NUAK1: variants seen among roughly 807,000 people sequenced by gnomAD.
NUAK1 encodes the protein NUAK family SNF1-like kinase 1.
Under a neutral mutation model 56.9 loss-of-function variants are expected in NUAK1, and 26 were observed. That is an observed-to-expected ratio of 0.46 (90% CI 0.33 to 0.63). The LOEUF is 0.63. Among genes scored for constraint, NUAK1 ranks in the 30% least tolerant of loss-of-function variants. The pLI, the probability that NUAK1 is intolerant of heterozygous loss-of-function variation, is 0.02. For missense variants in NUAK1, 727 were observed against 876.1 expected, an observed-to-expected ratio of 0.83 and a Z score of 2.15; for synonymous variants, 337 against 336.0, an observed-to-expected ratio of 1.00 and a Z score of -0.03.
At chr12:106,082,312 C>A (rs777350069) in intron 4 of NUAK1, among the ~76,000 whole-genome samples, 3 of 152,232 alleles carry the variant, frequency 2.0e-5, no homozygotes, top group African/African-American at 7.2e-5. Context: ...TACTAAGGGG[C>A]AGGGTTGAAA....
intron 1 of NUAK1, among the ~76,000 whole-genome samples, chr12:106,120,529 A>AG (rs3837505): frequency 0.017 from 2,624 of 152,132 alleles, 48 homozygotes; most frequent in Admixed American, 0.029. Flanking sequence ...CAAAGTGAGA[A>AG]GGGGGCTGGG....
At chr12:106,090,231 C>G (rs965425468) in intron 2 of NUAK1, among the ~76,000 whole-genome samples, 8 of 152,144 alleles carry the variant, frequency 5.3e-5, no homozygotes, top group Non-Finnish European at 1.0e-4. Flanking sequence ...AGCAGCCAGG[C>G]CTGGCTCTGG....
intron 1 of NUAK1, among the ~76,000 whole-genome samples, chr12:106,118,380 T>C (rs756645189): frequency 6.6e-6 from 1 of 152,196 alleles, no homozygotes; most frequent in Non-Finnish European, 1.5e-5. Flanking sequence ...TTTCCACATT[T>C]GTCAAATCTA....
At chr12:106,094,056 A>C (rs1456268653) in intron 2 of NUAK1, among the ~76,000 whole-genome samples, 2 of 147,602 alleles carry the variant, frequency 1.4e-5, no homozygotes, top group Non-Finnish European at 3.0e-5. Flanking sequence ...CCATCCGCCC[A>C]CCTCAGCCTC....
intron 1 of NUAK1, among the ~76,000 whole-genome samples, chr12:106,133,116 C>A (rs79701084): frequency 0.019 from 2,949 of 152,140 alleles, 86 homozygotes; most frequent in African/African-American, 0.067. Context: ...ATTATTATTA[C>A]CCCCATCTTA....
intron 2 of NUAK1, among the ~76,000 whole-genome samples, chr12:106,090,948 T>A (rs1183325528): frequency 6.6e-6 from 1 of 152,196 alleles, no homozygotes; most frequent in Non-Finnish European, 1.5e-5. Flanking sequence ...ATTTATAATG[T>A]ATAAGAGCAA....
chr12:106,118,833 C>T (rs1027931495), intron 1 of NUAK1, among the ~76,000 whole-genome samples: 3 of 152,236 alleles, frequency 2.0e-5, no homozygotes, highest in African/African-American at 7.2e-5. Flanking sequence ...TATCCTGGAG[C>T]AGACATCTGA....
intron 1 of NUAK1, among the ~76,000 whole-genome samples, chr12:106,122,721 T>A (rs1174492472): frequency 6.6e-6 from 1 of 152,178 alleles, no homozygotes; most frequent in Non-Finnish European, 1.5e-5. Context: ...ACTTCCCCCA[T>A]CACATTCACT....
intron 1 of NUAK1, among the ~76,000 whole-genome samples, chr12:106,110,234 T>C (rs766502427): frequency 1.3e-5 from 2 of 152,204 alleles, no homozygotes; most frequent in Non-Finnish European, 2.9e-5. Context: ...ATGTTCCTAC[T>C]TAAAATCAAA....
intron 1 of NUAK1, among the ~76,000 whole-genome samples, chr12:106,137,271 G>A (rs1362640284): frequency 6.6e-6 from 1 of 152,002 alleles, no homozygotes; most frequent in Non-Finnish European, 1.5e-5. Context: ...TATTTTATTT[G>A]ACAGCTCATT....
chr12:106,092,852 T>A (rs553197626), intron 2 of NUAK1, among the ~76,000 whole-genome samples: 1 of 152,296 alleles, frequency 6.6e-6, no homozygotes, highest in South Asian at 2.1e-4. Context: ...CCTTCCTCCA[T>A]CATACAGTTC....
In NUAK1 at chr12:106,070,794, C is replaced by T. The variant is rs759046362; in HGVS notation, c.812G>A (p.Arg271Gln). ...LIRQISSGEY[R>Q]EPTQPSDARG... ...CGCACCTGAGGGCTGTGTTGGCTCC[C>T]GGTACTCTCCGCTGCTGATTTGCCG... is the stretch of plus-strand genomic sequence containing the variant. The change falls in exon 6 of 7, where the codon CGG (arginine) becomes CAG (glutamine). Residue 271 changes from arginine to glutamine, a missense_variant. Physicochemically the swap from Arg to Gln is conservative, Grantham distance 43. Transcript: ENST00000261402. 16 of 1,614,060 alleles carry T rather than the reference C, an allele frequency of 9.9e-6. No homozygotes were observed. Among genetic ancestry groups the T allele is most frequent in the Non-Finnish European group, 1.3e-5 (15 of 1,180,034 alleles).
intron 2 of NUAK1, among the ~76,000 whole-genome samples, chr12:106,099,119 C>T (rs2032724379): frequency 1.3e-5 from 2 of 152,182 alleles, no homozygotes; most frequent in African/African-American, 4.8e-5. Context: ...TTTGTATTTA[C>T]ACAGAGTTGA....
At chr12:106,111,100 C>T (rs2032854114) in intron 1 of NUAK1, among the ~76,000 whole-genome samples, 1 of 152,086 alleles carries the variant, frequency 6.6e-6, no homozygotes, top group African/African-American at 2.4e-5. Flanking sequence ...CCCAAACTTC[C>T]CAGGTCTCGG....
At chr12:106,091,286 T>G (rs1409447351) in intron 2 of NUAK1, among the ~76,000 whole-genome samples, 1 of 152,226 alleles carries the variant, frequency 6.6e-6, no homozygotes, top group Non-Finnish European at 1.5e-5. Context: ...TAAGGAAAAC[T>G]ATGGCCCTTG....
In NUAK1 at chr12:106,114,362, G is replaced by A. The variant is rs145035008; in HGVS notation, c.241-7837C>T. Among the ~76,000 whole-genome samples, 4 of 152,320 alleles carry A rather than the reference G, an allele frequency of 2.6e-5. No individual in the cohort carries two copies. In the East Asian group the frequency reaches 5.8e-4, roughly 22 times the overall value. ...GCCAAGGCGACTCCTATAAGGAGAG[G>A]GACTCGGATAATCACGCCACCGGCT... On this transcript the variant is annotated intron_variant, in intron 1 of 6. Coordinates refer to ENST00000261402, the MANE Select transcript of NUAK1 (RefSeq NM_014840.3).
At chr12:106,087,345 C>A (rs1319657364) in intron 2 of NUAK1, among the ~76,000 whole-genome samples, 1 of 152,200 alleles carries the variant, frequency 6.6e-6, no homozygotes, top group East Asian at 1.9e-4. Flanking sequence ...CCATCTCAGG[C>A]AAATAAAACC....
intron 1 of NUAK1, among the ~76,000 whole-genome samples, chr12:106,124,696 C>A (rs377658572): frequency 6.6e-6 from 1 of 152,178 alleles, no homozygotes. Flanking sequence ...GTATCTCACA[C>A]AGAAAATGCA....
At chr12:106,111,748 G>T (rs2032861263) in intron 1 of NUAK1, among the ~76,000 whole-genome samples, 1 of 151,928 alleles carries the variant, frequency 6.6e-6, no homozygotes, top group South Asian at 2.1e-4. Context: ...TAAATCAGTG[G>T]CAATATTCTT....
Sources: gnomAD v4.1 joint callset for allele counts (sites outside exome capture counted in the v4.1 genomes callset) on GRCh38, gnomAD v4.1.1 for gene constraint, MANE v1.5 for transcripts, NCBI Gene and HGNC (gene_info 2026-07-23, HGNC 2026-07-21) for gene names.